C1QTNF3: variants seen among roughly 807,000 people sequenced by gnomAD.
C1QTNF3 encodes complement C1q tumor necrosis factor-related protein 3.
C1QTNF3 carries 26 observed loss-of-function variants against 32.6 expected under a neutral mutation model. The ratio of observed to expected loss-of-function variants is 0.80; its 90% confidence interval spans 0.58 to 1.11. C1QTNF3 has a LOEUF of 1.11. Among genes scored for constraint, C1QTNF3 ranks in the 50% least tolerant of loss-of-function variants. The pLI is 0.00. For missense variants in C1QTNF3, 362 were observed against 398.2 expected (o/e 0.91, Z 0.77); for synonymous variants, 155 against 146.0 (o/e 1.06, Z -0.44).
intron 5 of C1QTNF3, among the ~76,000 whole-genome samples, chr5:34,021,690 C>T (rs1360451550): frequency 6.6e-6 from 1 of 152,196 alleles, no homozygotes; most frequent in Non-Finnish European, 1.5e-5. Flanking sequence ...CGCATATTCT[C>T]ACTCATAAGT....
At chr5:34,195,525 C>T in the C1QTNF3 span, among the ~76,000 whole-genome samples, 96 of 152,052 alleles carry the variant, frequency 6.3e-4, no homozygotes, top group African/African-American at 2.2e-3. Flanking sequence ...CTGCTACAGA[C>T]TGCATGTTTG....
chr5:34,138,165 C>A, the C1QTNF3 span, among the ~76,000 whole-genome samples: 1 of 152,172 alleles, frequency 6.6e-6, no homozygotes, highest in African/African-American at 2.4e-5. Context: ...AACTCCAGAA[C>A]TGTGGGAAAA....
chr5:34,127,364 A>T, the C1QTNF3 span, among the ~76,000 whole-genome samples: 3,349 of 152,126 alleles, frequency 0.022, 129 homozygotes, highest in African/African-American at 0.077. Context: ...ATGGACAATA[A>T]AGTCCCGGCT....
rs748724274 is a variant in C1QTNF3 at position 34,028,861 on chromosome 5, G to T, written c.593C>A (p.Ala198Glu). 2 of 1,611,558 alleles carry T rather than the reference G, an allele frequency of 1.2e-6. No homozygotes were observed. The highest frequency in any genetic ancestry group is 1.7e-5 in the Admixed American group (1 of 59,732). Reference protein sequence around the residue: ...ELQIAFMASLATHFSNQNSGI... With the variant: ...ELQIAFMASLETHFSNQNSGI... ...ACTGTTCTGATTGCTGAAGTGGGTT[G>T]CCAGAGAAGCCATGAATGCAATCTA... Residue 198 changes from alanine (A) to glutamate (E), a missense_variant, in exon 4 of 6, where the codon GCA becomes GAA. Coordinates refer to ENST00000382065, the MANE Select transcript of C1QTNF3 (RefSeq NM_181435.6).
the C1QTNF3 span, among the ~76,000 whole-genome samples, chr5:34,210,712 T>C: frequency 6.6e-6 from 1 of 152,056 alleles, no homozygotes. Flanking sequence ...ATACAACAGA[T>C]ATTTTTACTT....
the C1QTNF3 span, among the ~76,000 whole-genome samples, chr5:34,116,169 A>C: frequency 3.3e-5 from 5 of 152,178 alleles, no homozygotes; most frequent in Non-Finnish European, 7.4e-5. Flanking sequence ...GCATATTTGT[A>C]AATTTCTCAA....
chr5:34,063,236 TTC>T, the C1QTNF3 span, among the ~76,000 whole-genome samples: 26 of 152,000 alleles, frequency 1.7e-4, no homozygotes, highest in East Asian at 3.1e-3. Flanking sequence ...CTCTTTGACT[TTC>T]TGTCTCTTTC....
the C1QTNF3 span, among the ~76,000 whole-genome samples, chr5:34,055,257 T>C: frequency 6.6e-6 from 1 of 152,218 alleles, no homozygotes; most frequent in Non-Finnish European, 1.5e-5. Flanking sequence ...AATTATCTGA[T>C]TGGCTAATTC....
chr5:34,162,333 A>G, the C1QTNF3 span, among the ~76,000 whole-genome samples: 1 of 152,198 alleles, frequency 6.6e-6, no homozygotes, highest in African/African-American at 2.4e-5. Context: ...AACCATTCTC[A>G]TAATAACTAA....
the C1QTNF3 span, among the ~76,000 whole-genome samples, chr5:34,220,860 G>A: frequency 1.1e-4 from 17 of 151,992 alleles, no homozygotes; most frequent in Admixed American, 2.0e-4. Flanking sequence ...TCAGGCACTG[G>A]AAGGACCTGT....
chr5:34,170,401 T>G, the C1QTNF3 span, among the ~76,000 whole-genome samples: 3 of 152,116 alleles, frequency 2.0e-5, no homozygotes, highest in Non-Finnish European at 4.4e-5. Context: ...ATGTCAAAAT[T>G]TGTTGAGGCT....
At chr5:34,236,145 A>G in the C1QTNF3 span, among the ~76,000 whole-genome samples, 1 of 152,224 alleles carries the variant, frequency 6.6e-6, no homozygotes, top group Non-Finnish European at 1.5e-5. Flanking sequence ...CACTATTTTG[A>G]CTTTAATCCC....
Position 34,029,568 on chromosome 5 carries a change from A to C in C1QTNF3, c.571-685T>G, listed in dbSNP as rs747263222. On this transcript the variant is annotated intron_variant, in intron 3 of 5. Coordinates refer to ENST00000382065, the MANE Select transcript of C1QTNF3 (RefSeq NM_181435.6). ...GTTTACCCAAAAAGTAGACAACACA[A>C]GATCATTATTATCTGATACCAGCCT... Among the ~76,000 whole-genome samples the C allele has an allele frequency of 9.9e-5, 15 of 152,234 alleles. 1 individual carries two copies. Among genetic ancestry groups the C allele is most frequent in the Non-Finnish European group, 1.8e-4 (12 of 68,050 alleles).
chr5:34,147,827 T>TAAAAAC, the C1QTNF3 span, among the ~76,000 whole-genome samples: 1 of 151,940 alleles, frequency 6.6e-6, no homozygotes, highest in South Asian at 2.1e-4. Flanking sequence ...AAGTTGAAAT[T>TAAAAAC]AAAAACAAAA....
At chr5:34,092,167 AT>A in the C1QTNF3 span, among the ~76,000 whole-genome samples, 1 of 152,172 alleles carries the variant, frequency 6.6e-6, no homozygotes, top group East Asian at 1.9e-4. Context: ...TAGATATATT[AT>A]TGTTCAAATT....
At chr5:34,091,375 T>A in the C1QTNF3 span, among the ~76,000 whole-genome samples, 1 of 152,290 alleles carries the variant, frequency 6.6e-6, no homozygotes, top group South Asian at 2.1e-4. Flanking sequence ...TATTTTTCAT[T>A]GTTTTGTTTA....
the C1QTNF3 span, among the ~76,000 whole-genome samples, chr5:34,127,873 G>A: frequency 6.6e-6 from 1 of 151,604 alleles, no homozygotes; most frequent in Non-Finnish European, 1.5e-5. Flanking sequence ...TTGACCATGT[G>A]GTTAAAAAAA....
At position 34,020,507 on chromosome 5, in the gene C1QTNF3, T is replaced by G; in HGVS notation, c.*76A>C. 6.5e-7 allele frequency: 1 copy of G among 1,528,254 alleles called. No individual in the cohort carries two copies. The highest frequency in any genetic ancestry group is 1.2e-5 in the South Asian group (1 of 81,650). The allele number at this position is 1,528,254 out of a possible 1,614,324, so 94.7% of individuals were successfully genotyped here. Reference sequence around the variant, plus strand: ...AATACAGCAATGTAAAACCCTCAACTTTAATGTTCCTCAGATCGTAACAAA... The same window carrying G: ...AATACAGCAATGTAAAACCCTCAACGTTAATGTTCCTCAGATCGTAACAAA... On this transcript the variant is annotated 3_prime_UTR_variant, in exon 6 of 6. Transcript: ENST00000382065.
the C1QTNF3 span, among the ~76,000 whole-genome samples, chr5:34,122,700 G>GT: frequency 6.6e-6 from 1 of 152,114 alleles, no homozygotes; most frequent in Non-Finnish European, 1.5e-5. Context: ...GAGAGAACAA[G>GT]TGTGGGCCAA....
Sources: allele counts gnomAD v4.1 joint callset (sites outside exome capture counted in the v4.1 genomes callset), GRCh38; gene constraint gnomAD v4.1.1; transcripts MANE v1.5; gene names NCBI Gene and HGNC (gene_info 2026-07-23, HGNC 2026-07-21).